The following SLC35A5 variants were observed in gnomAD, a reference collection of about 807,000 sequenced individuals.
SLC35A5 encodes solute carrier family 35 member A5, also known as UDP-sugar transporter protein SLC35A5.
SLC35A5 carries 28 observed loss-of-function variants against 36.3 expected under a neutral mutation model. That is an observed-to-expected ratio of 0.77 (90% confidence interval 0.57 to 1.06). The LOEUF is 1.06. Among genes scored for constraint, SLC35A5 ranks in the 50% least tolerant of loss-of-function variants. SLC35A5 has a pLI of 0.00. For synonymous variants in SLC35A5, 180 were observed against 173.7 expected (o/e 1.04, Z -0.29); for missense variants, 521 against 499.3 (o/e 1.04, Z -0.41).
At chr3:112,566,149 AAAG>A (rs1934187323) in intron 2 of SLC35A5, among the ~76,000 whole-genome samples, 1 of 152,196 alleles carries the variant, frequency 6.6e-6, no homozygotes, top group Admixed American at 6.5e-5. Context: ...GAAAATTAAA[AAAG>A]ATAACATATA....
At position 112,563,277 on chromosome 3, in the gene SLC35A5, G is replaced by A. The variant is rs1381758732; in HGVS notation, c.-19-108G>A. On this transcript the variant is annotated intron_variant, in intron 1 of 6. Transcript: ENST00000492406. Reference sequence around the variant, plus strand: ...CCTCAACTTTCTTGGTGCTGATATAGTCATAGCCAAAATTTTTTAAAAATT... The same window carrying A: ...CCTCAACTTTCTTGGTGCTGATATAATCATAGCCAAAATTTTTTAAAAATT... The A allele has an allele frequency of 7.1e-6, 7 of 992,532 alleles. No homozygotes were observed. In the South Asian group the frequency reaches 8.2e-5, roughly 12 times the overall value. The allele number at this position is 992,532 out of a possible 1,614,324, so 61.5% of individuals were successfully genotyped here. A position where few individuals can be genotyped will look rare whatever the true frequency, so the allele number is the denominator to read the frequency against.
rs1935034233 is a variant in SLC35A5 at position 112,583,640 on chromosome 3, A to G, written c.*904A>G. On this transcript the variant is annotated 3_prime_UTR_variant, in exon 7 of 7. Transcript: ENST00000492406. Reference sequence around the variant, plus strand: ...CAGAATCATACCAGATTGTCAGTGAAGCTGATGCCTAGGAACTTTTAAAGG... The same window carrying G: ...CAGAATCATACCAGATTGTCAGTGAGGCTGATGCCTAGGAACTTTTAAAGG... 1 of 152,280 alleles carries G rather than the reference A, an allele frequency of 6.6e-6. No homozygotes were observed. Among genetic ancestry groups the G allele is most frequent in the African/African-American group, 2.4e-5 (1 of 41,456 alleles). 9.4% of individuals were successfully genotyped at this position (152,280 alleles called of 1,614,324 possible). A position where few individuals can be genotyped will look rare whatever the true frequency, so the allele number is the denominator to read the frequency against.
chr3:112,574,133 C>CT (rs1471861406), intron 5 of SLC35A5, among the ~76,000 whole-genome samples, 177 bp downstream of exon 5: 1 of 152,314 alleles, frequency 6.6e-6, no homozygotes, highest in African/African-American at 2.4e-5. Flanking sequence ...GCTAGTCCAT[C>CT]TAAATCCTCT....
chr3:112,575,792 C>T (rs1934643980), intron 5 of SLC35A5, among the ~76,000 whole-genome samples: 1 of 133,042 alleles, frequency 7.5e-6, no homozygotes, highest in African/African-American at 2.9e-5. Context: ...CAGAGTCTTA[C>T]TCTGTCACCC....
At chr3:112,561,380 G>C, upstream of SLC35A5, 3 of 1,469,654 alleles carry the variant, frequency 2.0e-6, no homozygotes, top group Non-Finnish European at 2.8e-6. Flanking sequence ...CGGAGAAAGC[G>C]GGGACTCCTG....
In SLC35A5 at chr3:112,585,088, A is replaced by T. The variant is rs975752262; in HGVS notation, c.*2352A>T. 3 of 150,954 alleles carry T rather than the reference A, an allele frequency of 2.0e-5. No homozygotes were observed. Among genetic ancestry groups the T allele is most frequent in the Non-Finnish European group, 4.4e-5 (3 of 68,040 alleles). The allele number at this position is 150,954 out of a possible 1,614,324, so 9.4% of individuals were successfully genotyped here. ...ACCCGAGACTGGGTAATCTATAAAG[A>T]AAAGGGGTTTAAATGACTCGCAGTT... On this transcript the variant is annotated 3_prime_UTR_variant, in exon 7 of 7. Transcript: ENST00000492406.
rs558251158 is a variant in SLC35A5, at chr3:112,581,329, A to G, written c.1209+3A>G. 1.3e-5 allele frequency: 21 copies of G among 1,588,772 alleles called. No homozygotes were observed. Among genetic ancestry groups the G allele is most frequent in the Non-Finnish European group, 1.5e-5 (18 of 1,170,204 alleles). ...ATCTTTGGGAGCGTTCCAGTGGGGT[A>G]AGTTTGTGAGGGTGTTCCTTTTTGC... On this transcript the variant is annotated splice_donor_region_variant and intron_variant, in intron 6 of 6. Transcript: ENST00000492406.
chr3:112,581,111 C>T lies in SLC35A5; in HGVS notation c.994C>T (p.His332Tyr). The T allele has an allele frequency of 6.2e-7, 1 of 1,613,960 alleles. No individual in the cohort carries two copies. The highest frequency in any genetic ancestry group is 8.5e-7 in the Non-Finnish European group (1 of 1,179,934). Residue 332 changes from histidine (H) to tyrosine (Y), a missense_variant, in exon 6 of 7, where the codon CAT becomes TAT. Transcript: ENST00000492406. ...TCTGAAGTTCCTGGATAACATGTTC[C>T]ATGTCTTGATGGCCCAGGTTACCAC... ...FILKFLDNMF[H>Y]VLMAQVTTVI...
At chr3:112,573,790 G>C in intron 4 of SLC35A5, 99 bp from the exon 5 acceptor site, 1 of 928,032 alleles carries the variant, frequency 1.1e-6, no homozygotes, top group Non-Finnish European at 1.7e-6. Context: ...TCTGTTTTTT[G>C]ACCAAAAAGC....
intron 2 of SLC35A5, among the ~76,000 whole-genome samples, chr3:112,567,754 A>G (rs1934263589): frequency 6.6e-6 from 1 of 152,230 alleles, no homozygotes; most frequent in South Asian, 2.1e-4. Context: ...CCATGTTGTC[A>G]TATGGTCTGG....
rs1366097745 is a variant in SLC35A5 at position 112,569,311 on chromosome 3, C to A, written c.229+42C>A. ...TACTATATACTTGTTAATCATAGGA[C>A]CAAAAAATGTTAGAACTGGAAGGAA... On this transcript the variant is annotated intron_variant, in intron 3 of 6. Coordinates refer to ENST00000492406, the MANE Select transcript of SLC35A5 (RefSeq NM_017945.5). 4 of 1,472,502 alleles carry A rather than the reference C, an allele frequency of 2.7e-6. No homozygotes were observed. The Admixed American group carries it at 5.4e-5, about 20-fold the overall frequency. The allele number at this position is 1,472,502 out of a possible 1,614,324, so 91.2% of individuals were successfully genotyped here.
intron 1 of SLC35A5, among the ~76,000 whole-genome samples, chr3:112,562,606 A>G (rs567256801): frequency 1.7e-4 from 26 of 152,340 alleles, no homozygotes; most frequent in African/African-American, 5.8e-4. Flanking sequence ...CTCCATTTCA[A>G]ACACTAACTA....
chr3:112,563,438 G>A lies in SLC35A5; in HGVS notation c.35G>A (p.Cys12Tyr), dbSNP rs1008673542. The part of the protein sequence containing the change: ...EKQCCSHPVI[C>Y]SLSTMYTFLL... The stretch of plus-strand genomic sequence containing the variant: ...CAGTGCTGTAGTCATCCTGTAATAT[G>A]CTCCTTGTCAACAATGTATACATTC... The change falls in exon 2 of 7, where the codon TGC becomes TAC. Residue 12 changes from cysteine (C) to tyrosine (Y), a missense_variant. Cys to Tyr is a radical substitution (Grantham distance 194, BLOSUM62 -2). Coordinates refer to ENST00000492406, the MANE Select transcript of SLC35A5 (RefSeq NM_017945.5). 1 of 1,589,484 alleles carries A rather than the reference G, an allele frequency of 6.3e-7. No homozygotes were observed. Among genetic ancestry groups the A allele is most frequent in the Non-Finnish European group, 8.6e-7 (1 of 1,161,370 alleles).
intron 2 of SLC35A5, 135 bp from the exon 3 acceptor site, chr3:112,569,036 C>A: frequency 3.0e-6 from 2 of 668,298 alleles, no homozygotes; most frequent in Non-Finnish European, 4.9e-6. Flanking sequence ...TCCAAAGGAG[C>A]AAAGGCAACT....
chr3:112,562,476 C>G (rs1576737395), intron 1 of SLC35A5, among the ~76,000 whole-genome samples: 1 of 152,224 alleles, frequency 6.6e-6, no homozygotes, highest in East Asian at 1.9e-4. Context: ...TCCCCGCAGG[C>G]TCTATGCGCT....
rs1934868926 is a variant in SLC35A5, at chr3:112,580,696, T to C, written c.579T>C (p.Leu193=). 6.2e-7 allele frequency: 1 copy of C among 1,614,168 alleles called. No homozygotes were observed. Residue 193 remains leucine (L), a synonymous_variant, in exon 6 of 7, where the codon CTT becomes CTC. Coordinates refer to ENST00000492406, the MANE Select transcript of SLC35A5 (RefSeq NM_017945.5). ...DAFFSPSNSC[L]LFRSECPRKD... Reference sequence around the variant, plus strand: ...TTTTCAGCCCTTCCAATTCCTGCCTTCTTTTCAGAAGTGAGTGTCCCAGAA... The same window carrying C: ...TTTTCAGCCCTTCCAATTCCTGCCTCCTTTTCAGAAGTGAGTGTCCCAGAA...
intron 5 of SLC35A5, 101 bp downstream of exon 5, chr3:112,574,057 AG>A: frequency 9.3e-7 from 1 of 1,072,324 alleles, no homozygotes. Context: ...TCCCAAAGCC[AG>A]GATTTTGTTC....
chr3:112,579,973 A>G (rs932315804), intron 5 of SLC35A5, among the ~76,000 whole-genome samples: 1 of 152,242 alleles, frequency 6.6e-6, no homozygotes, highest in Middle Eastern at 3.2e-3. Context: ...ACTGCCCAAA[A>G]TAACATTTTT....
chr3:112,565,025 A>C lies in SLC35A5; in HGVS notation c.130+1492A>C, dbSNP rs1934132075. ...TTTCCCCACAATTGAGGACACATAC[A>C]ATCATGATATGACCTTTAATGGTCT... On this transcript the variant is annotated intron_variant, in intron 2 of 6. Transcript: ENST00000492406. Among the ~76,000 whole-genome samples the C allele has an allele frequency of 3.3e-5, 5 of 152,332 alleles. No homozygotes were observed. In the South Asian group the frequency reaches 8.3e-4, roughly 25 times the overall value.
Sources: gnomAD v4.1 joint callset for allele counts (sites outside exome capture counted in the v4.1 genomes callset) on GRCh38, gnomAD v4.1.1 for gene constraint, MANE v1.5 for transcripts, NCBI Gene and HGNC (gene_info 2026-07-23, HGNC 2026-07-21) for gene names.